GRIK4: variants seen among roughly 807,000 people sequenced by gnomAD.
The protein encoded by GRIK4 is glutamate ionotropic receptor kainate type subunit 4, also known as glutamate receptor ionotropic, kainate 4.
Under a neutral mutation model 104.9 loss-of-function variants are expected in GRIK4, and 40 were observed. That is an observed-to-expected ratio of 0.38 (90% CI 0.30 to 0.50). The LOEUF is 0.50. GRIK4 is among the 20% of genes least tolerant of loss of function. The pLI, the probability that GRIK4 is intolerant of heterozygous loss-of-function variation, is 0.93. For synonymous variants in GRIK4, 485 were observed against 524.9 expected (o/e 0.92, Z 1.04); for missense variants, 1,047 against 1,308.1 (o/e 0.80, Z 3.08).
chr11:120,777,072 C>T (rs1952058082), intron 3 of GRIK4, among the ~76,000 whole-genome samples: 4 of 152,104 alleles, frequency 2.6e-5, no homozygotes, highest in Non-Finnish European at 4.4e-5. Context: ...CTGTGCTGCT[C>T]GGGTGATGTA....
intron 1 of GRIK4, among the ~76,000 whole-genome samples, chr11:120,537,526 G>A (rs1947989587): frequency 6.6e-6 from 1 of 152,120 alleles, no homozygotes; most frequent in Admixed American, 6.5e-5. Flanking sequence ...CTACTGCCTG[G>A]GGGAGTCCTA....
intron 3 of GRIK4, among the ~76,000 whole-genome samples, chr11:120,696,334 C>T (rs1950448543): frequency 6.6e-6 from 1 of 152,156 alleles, no homozygotes; most frequent in Non-Finnish European, 1.5e-5. Context: ...TCCACAGAGT[C>T]CTGTTTGGTG....
At chr11:120,843,266 G>T (rs1260171683) in intron 8 of GRIK4, among the ~76,000 whole-genome samples, 1 of 152,264 alleles carries the variant, frequency 6.6e-6, no homozygotes, top group Non-Finnish European at 1.5e-5. Context: ...CCTGCTCTCG[G>T]CACCGCCGCT....
At chr11:120,734,094 A>G (rs1179595766) in intron 3 of GRIK4, among the ~76,000 whole-genome samples, 1 of 152,130 alleles carries the variant, frequency 6.6e-6, no homozygotes, top group Non-Finnish European at 1.5e-5. Flanking sequence ...GGATTATAAT[A>G]TTCTGTGTTT....
intron 1 of GRIK4, among the ~76,000 whole-genome samples, chr11:120,572,300 G>A (rs1948411063): frequency 6.6e-6 from 1 of 152,120 alleles, no homozygotes; most frequent in Non-Finnish European, 1.5e-5. Context: ...AATTTTGAGG[G>A]ATGACACAAA....
intron 7 of GRIK4, among the ~76,000 whole-genome samples, chr11:120,833,253 A>ATC (rs1188699854): frequency 1.3e-5 from 2 of 150,400 alleles, no homozygotes; most frequent in African/African-American, 4.9e-5. Flanking sequence ...AACTCACATT[A>ATC]TCTCTCTCTC....
At chr11:120,856,512 A>G (rs1457400893) in intron 8 of GRIK4, among the ~76,000 whole-genome samples, 1 of 152,204 alleles carries the variant, frequency 6.6e-6, no homozygotes, top group Non-Finnish European at 1.5e-5. Context: ...TTCGAGAGAC[A>G]TTTAAGAGAT....
chr11:120,922,555 T>C (rs563598723), intron 13 of GRIK4, among the ~76,000 whole-genome samples: 17 of 152,318 alleles, frequency 1.1e-4, no homozygotes, highest in African/African-American at 4.1e-4. Flanking sequence ...GGTCTTGTGG[T>C]GTGTTCGATG....
Position 120,986,440 on chromosome 11 carries a change from C to T in GRIK4, c.*180C>T. 1 of 835,116 alleles carries T rather than the reference C, an allele frequency of 1.2e-6. No homozygotes were observed. The highest frequency in any genetic ancestry group is 1.7e-6 in the Non-Finnish European group (1 of 577,300). 51.7% of individuals were successfully genotyped at this position (835,116 alleles called of 1,614,324 possible). Reference sequence around the variant, plus strand: ...GCCCCAGCCAGAGACCGCGCCCGGTCAGGGAGCAGGGTCCACCCGGAAACG... The same window carrying T: ...GCCCCAGCCAGAGACCGCGCCCGGTTAGGGAGCAGGGTCCACCCGGAAACG... On this transcript the variant is annotated 3_prime_UTR_variant, in exon 21 of 21. Transcript: ENST00000527524.
At chr11:120,519,485 G>A (rs574278686) in intron 1 of GRIK4, among the ~76,000 whole-genome samples, 3 of 152,284 alleles carry the variant, frequency 2.0e-5, no homozygotes, top group Non-Finnish European at 2.9e-5. Flanking sequence ...GCCCTCACCC[G>A]ACACTGAATC....
chr11:120,512,937 A>G (rs1052219637), intron 1 of GRIK4, among the ~76,000 whole-genome samples: 1 of 152,104 alleles, frequency 6.6e-6, no homozygotes, highest in Non-Finnish European at 1.5e-5. Context: ...TGGTGGGGCA[A>G]TGCGGGCCGA....
intron 1 of GRIK4, among the ~76,000 whole-genome samples, chr11:120,645,259 C>T (rs34996622): frequency 1.3e-5 from 2 of 152,218 alleles, no homozygotes; most frequent in African/African-American, 4.8e-5. Context: ...AGGTCTCAGC[C>T]TGGGCCTCGT....
intron 1 of GRIK4, among the ~76,000 whole-genome samples, chr11:120,526,333 G>A (rs781080552): frequency 6.6e-6 from 1 of 152,068 alleles, no homozygotes; most frequent in African/African-American, 2.4e-5. Flanking sequence ...CAGTAGCTGA[G>A]TCTACAGGCA....
At chr11:120,600,246 C>T (rs573331103) in intron 1 of GRIK4, among the ~76,000 whole-genome samples, 6 of 152,122 alleles carry the variant, frequency 3.9e-5, no homozygotes, top group Non-Finnish European at 7.4e-5. Flanking sequence ...ACCAGGCTTC[C>T]GGCTTCTCAG....
intron 3 of GRIK4, among the ~76,000 whole-genome samples, chr11:120,749,187 TC>T (rs1227926858): frequency 5.3e-5 from 8 of 151,752 alleles, no homozygotes; most frequent in African/African-American, 1.9e-4. Context: ...CTGCCAACAT[TC>T]CCCCCACCCC....
At position 120,864,205 on chromosome 11, in the gene GRIK4, TTTTATTTATTTATTTA is replaced by T. The variant is rs140150638; in HGVS notation, c.906+2121_906+2136del. ...ACAGTTCTCATTCCAGTATTTTTAT[TTTTATTTATTTATTTA>T]TTTATTTATTTATTTATTTATTTAT... is the stretch of plus-strand genomic sequence containing the variant. On this transcript the variant is annotated intron_variant, in intron 9 of 20. Transcript: ENST00000527524. Among the ~76,000 whole-genome samples the T allele has an allele frequency of 2.3e-3, 316 of 137,772 alleles. 2 individuals carry two copies. Among genetic ancestry groups the T allele is most frequent in the South Asian group, 3.0e-3 (12 of 4,054 alleles). 90.4% of individuals were successfully genotyped at this position (137,772 alleles called of 152,430 possible).
At chr11:120,700,485 G>T (rs1387872899) in intron 3 of GRIK4, among the ~76,000 whole-genome samples, 1 of 151,180 alleles carries the variant, frequency 6.6e-6, no homozygotes, top group Non-Finnish European at 1.5e-5. Flanking sequence ...TTGAGAGAGA[G>T]TCTTGCTCTG....
At chr11:120,957,647 C>T (rs1379515355) in intron 16 of GRIK4, among the ~76,000 whole-genome samples, 1 of 91,294 alleles carries the variant, frequency 1.1e-5, no homozygotes, top group East Asian at 3.5e-4. Context: ...GGCAAGTTTG[C>T]AGAACACAAC....
intron 1 of GRIK4, among the ~76,000 whole-genome samples, chr11:120,645,790 T>C (rs1949535522): frequency 1.3e-5 from 2 of 152,216 alleles, no homozygotes; most frequent in Admixed American, 6.5e-5. Context: ...CTGGGTCGGC[T>C]GGAAAACGAA....
Sources: gnomAD v4.1 joint callset for allele counts (sites outside exome capture counted in the v4.1 genomes callset) on GRCh38, gnomAD v4.1.1 for gene constraint, MANE v1.5 for transcripts, NCBI Gene and HGNC (gene_info 2026-07-23, HGNC 2026-07-21) for gene names.